SMYD3: variants seen among roughly 807,000 people sequenced by gnomAD.
SMYD3 encodes the protein histone-lysine N-methyltransferase SMYD3.
SMYD3 carries 36 observed loss-of-function variants against 57.7 expected under a neutral mutation model. The observed-to-expected ratio is 0.62, with a 90% CI of 0.48 to 0.82. The LOEUF (loss-of-function observed/expected upper bound fraction) is 0.82. Ranked by LOEUF, SMYD3 falls within the 40% of genes least tolerant of loss-of-function variation. The pLI is 0.00. For synonymous variants in SMYD3, 211 were observed against 195.0 expected (o/e 1.08, Z -0.68); for missense variants, 515 against 538.8 (o/e 0.96, Z 0.44).
chr1:246,026,361 A>G (rs779759189), intron 5 of SMYD3, among the ~76,000 whole-genome samples: 4 of 152,104 alleles, frequency 2.6e-5, no homozygotes, highest in Non-Finnish European at 2.9e-5. Flanking sequence ...TGAAAGACGC[A>G]CTCCACTAAA....
At position 245,797,276 on chromosome 1, in the gene SMYD3, C is replaced by G. The variant is rs569732052; in HGVS notation, c.1077-33127G>C. 3.3e-5 allele frequency among the ~76,000 whole-genome samples: 5 copies of G among 152,154 alleles called. No individual in the cohort carries two copies. The East Asian group carries it at 9.7e-4, about 29-fold the overall frequency. ...ACAATAGCAAAGACTTGGAACCAAC[C>G]CAAATGTCCAACAATGATAGACTGG... On this transcript the variant is annotated intron_variant, in intron 10 of 11. Coordinates refer to ENST00000490107, the MANE Select transcript of SMYD3 (RefSeq NM_001167740.2).
At chr1:246,000,748 C>T (rs2059024421) in intron 5 of SMYD3, among the ~76,000 whole-genome samples, 1 of 152,344 alleles carries the variant, frequency 6.6e-6, no homozygotes, top group South Asian at 2.1e-4. Context: ...AAGCCTTACA[C>T]TCATCACTGG....
chr1:246,305,909 A>T (rs916911067), intron 5 of SMYD3: 3 of 152,170 alleles, frequency 2.0e-5, no homozygotes, highest in Admixed American at 2.0e-4. Flanking sequence ...AAAATTACTA[A>T]AGTTCTCACC....
intron 8 of SMYD3, among the ~76,000 whole-genome samples, chr1:245,907,649 G>T (rs970739373): frequency 1.3e-5 from 2 of 152,110 alleles, no homozygotes; most frequent in Non-Finnish European, 2.9e-5. Context: ...GGAGAACAAA[G>T]GATTTACAAA....
At chr1:245,806,500 C>T (rs1362427011) in intron 10 of SMYD3, among the ~76,000 whole-genome samples, 2 of 152,158 alleles carry the variant, frequency 1.3e-5, no homozygotes, top group African/African-American at 4.8e-5. Context: ...AACCTACCTG[C>T]CTCCGATACC....
In SMYD3 at chr1:245,853,141, T is replaced by A. The variant is rs116290990; in HGVS notation, c.1076+5355A>T. On this transcript the variant is annotated intron_variant, in intron 10 of 11. Transcript: ENST00000490107. The stretch of plus-strand genomic sequence containing the variant: ...CAGAGACAATAAATGGCAAACAACA[T>A]ACGTGGAAAGAATGTTGGATGAAGT... Among the ~76,000 whole-genome samples the A allele has an allele frequency of 6.3e-3, 965 of 152,230 alleles. 3 individuals carry two copies. Among genetic ancestry groups the A allele is most frequent in the South Asian group, 0.016 (78 of 4,810 alleles).
At chr1:245,868,061 C>T (rs1358248741) in intron 8 of SMYD3, among the ~76,000 whole-genome samples, 1 of 152,228 alleles carries the variant, frequency 6.6e-6, no homozygotes, top group African/African-American at 2.4e-5. Flanking sequence ...AACAAATGCT[C>T]TGCTGAATGT....
chr1:245,801,806 C>A (rs2047879427), intron 10 of SMYD3, among the ~76,000 whole-genome samples: 1 of 149,166 alleles, frequency 6.7e-6, no homozygotes, highest in African/African-American at 2.5e-5. Context: ...AAGGGAAACC[C>A]AGCATGTAGC....
chr1:245,806,721 T>G (rs532317740), intron 10 of SMYD3, among the ~76,000 whole-genome samples: 1 of 151,388 alleles, frequency 6.6e-6, no homozygotes, highest in Non-Finnish European at 1.5e-5. Flanking sequence ...CCATCCTGGC[T>G]AACAAGGTGA....
chr1:245,758,976 G>A (rs2045723063), intron 11 of SMYD3, among the ~76,000 whole-genome samples: 1 of 152,172 alleles, frequency 6.6e-6, no homozygotes, highest in South Asian at 2.1e-4. Context: ...TCCAGCAAGA[G>A]AATGAAGTGA....
chr1:245,755,904 T>C (rs2045584940), intron 11 of SMYD3, among the ~76,000 whole-genome samples: 1 of 151,952 alleles, frequency 6.6e-6, no homozygotes, highest in Middle Eastern at 3.2e-3. Flanking sequence ...ACTACTGACA[T>C]AATTTACAAT....
intron 2 of SMYD3, among the ~76,000 whole-genome samples, chr1:246,344,494 G>A (rs2065680089): frequency 6.6e-6 from 1 of 152,140 alleles, no homozygotes; most frequent in Non-Finnish European, 1.5e-5. Flanking sequence ...TTTACCTGTG[G>A]ATGAATATTT....
chr1:246,232,939 A>G (rs1314755968), intron 5 of SMYD3, among the ~76,000 whole-genome samples: 2 of 134,350 alleles, frequency 1.5e-5, no homozygotes, highest in South Asian at 5.9e-4. Context: ...CATATACCAC[A>G]CAGAGGAGAA....
At chr1:246,173,874 A>T (rs1409971301) in intron 5 of SMYD3, among the ~76,000 whole-genome samples, 1 of 152,124 alleles carries the variant, frequency 6.6e-6, no homozygotes, top group East Asian at 1.9e-4. Flanking sequence ...TAGCGGGATC[A>T]TAGCTCACAT....
At chr1:245,930,178 C>G in intron 5 of SMYD3, 1 of 513,814 alleles carries the variant, frequency 1.9e-6, no homozygotes, top group Non-Finnish European at 3.6e-6. Context: ...AAAAAAAAAA[C>G]AGACGGAAAC....
chr1:246,099,558 C>G (rs1558227346), intron 5 of SMYD3, among the ~76,000 whole-genome samples: 1 of 152,002 alleles, frequency 6.6e-6, no homozygotes, highest in Non-Finnish European at 1.5e-5. Flanking sequence ...GATTCACTGA[C>G]AACTGGAGAG....
chr1:246,339,916 T>C (rs1456458417), intron 2 of SMYD3, among the ~76,000 whole-genome samples: 1 of 152,212 alleles, frequency 6.6e-6, no homozygotes, highest in African/African-American at 2.4e-5. Context: ...TCCCTCAACC[T>C]TGGACTTCCC....
chr1:246,488,489 C>T (rs890357618), intron 1 of SMYD3, among the ~76,000 whole-genome samples: 1 of 152,134 alleles, frequency 6.6e-6, no homozygotes, highest in Non-Finnish European at 1.5e-5. Flanking sequence ...GAGTTCAAGA[C>T]CAGCCCTGAC....
At chr1:246,195,564 T>C (rs2148343379) in intron 5 of SMYD3, among the ~76,000 whole-genome samples, 1 of 152,276 alleles carries the variant, frequency 6.6e-6, no homozygotes, top group South Asian at 2.1e-4. Context: ...ATATGACATG[T>C]TGCTGAAGGA....
Sources: allele counts gnomAD v4.1 joint callset (sites outside exome capture counted in the v4.1 genomes callset), GRCh38; gene constraint gnomAD v4.1.1; transcripts MANE v1.5; gene names NCBI Gene and HGNC (gene_info 2026-07-23, HGNC 2026-07-21).